TNK2: variants seen among roughly 807,000 people sequenced by gnomAD.
TNK2 encodes the protein tyrosine kinase non receptor 2, also known as activated CDC42 kinase 1.
A neutral mutation model predicts 101.8 loss-of-function variants in TNK2; 83 were observed. The observed-to-expected ratio is 0.82, with a 90% CI of 0.68 to 0.98. The LOEUF is 0.98. TNK2 is among the 50% of genes least tolerant of loss of function. TNK2 has a pLI of 0.00. For missense variants in TNK2, 1,665 were observed against 1,483.2 expected (o/e 1.12, Z -2.01); for synonymous variants, 804 against 633.0 (o/e 1.27, Z -4.06).
At chr3:195,893,547 A>G (rs1759434749) in intron 1 of TNK2, among the ~76,000 whole-genome samples, 1 of 152,034 alleles carries the variant, frequency 6.6e-6, no homozygotes. Flanking sequence ...GGGCCTAGAG[A>G]CACTCCATCA....
Position 195,879,149 on chromosome 3 carries a change from C to T in TNK2, c.914G>A (p.Arg305His). ...GGTGTCGCTGGCATGGGAGAAGGTGCGTGTCTTCAGGCTCTCGGGGGCACA... is the reference window on the plus strand; with the variant it reads ...GGTGTCGCTGGCATGGGAGAAGGTGTGTGTCTTCAGGCTCTCGGGGGCACA... Reference protein sequence around the residue: ...AWCAPESLKTRTFSHASDTWM... With the variant: ...AWCAPESLKTHTFSHASDTWM... The change falls in exon 7 of 16, where the codon CGC (arginine) becomes CAC (histidine). Residue 305 changes from arginine to histidine, a missense_variant. Arg to His is a conservative substitution (Grantham distance 29, BLOSUM62 0). Transcript: ENST00000672887. The T allele has an allele frequency of 6.2e-7, 1 of 1,613,696 alleles. No individual in the cohort carries two copies. Among genetic ancestry groups the T allele is most frequent in the Non-Finnish European group, 8.5e-7 (1 of 1,179,986 alleles).
chr3:195,895,660 G>T, intron 1 of TNK2: 2 of 1,225,366 alleles, frequency 1.6e-6, no homozygotes, highest in Non-Finnish European at 2.1e-6. Flanking sequence ...CCGCGGAACC[G>T]GGCTCCACTC....
chr3:195,865,454 G>A (rs994265592), intron 15 of TNK2, among the ~76,000 whole-genome samples: 3 of 150,230 alleles, frequency 2.0e-5, no homozygotes, highest in Non-Finnish European at 4.4e-5. Flanking sequence ...GGATGGGACA[G>A]ACAGGTGACA....
chr3:195,864,300 G>T, intron 15 of TNK2, 113 bp from the exon 16 acceptor site: 1 of 1,169,032 alleles, frequency 8.6e-7, no homozygotes, highest in South Asian at 1.3e-5. Flanking sequence ...GGCAGTCCCC[G>T]GCAAGGACTG....
chr3:195,892,581 C>T (rs1243339209), intron 1 of TNK2: 1 of 1,474,582 alleles, frequency 6.8e-7, no homozygotes, highest in South Asian at 1.3e-5. Context: ...CCCCAAATCC[C>T]ACACCAGGGG....
At position 195,878,673 on chromosome 3, in the gene TNK2, C is replaced by T. The variant is rs932432922; in HGVS notation, c.1015-81G>A. 2.6e-6 allele frequency: 4 copies of T among 1,538,616 alleles called. No individual in the cohort carries two copies. The African/African-American group carries it at 4.1e-5, about 16-fold the overall frequency. On this transcript the variant is annotated intron_variant, in intron 7 of 15. Transcript: ENST00000672887. The surrounding 1 kb of genome is among the most constrained non-coding windows in gnomAD (Gnocchi z 4.7). ...TCCCGCCTTCCCTCCAGCCCATCCA[C>T]AGCTGCAGCGGCTGCTGCCATGCCT... is the stretch of plus-strand genomic sequence containing the variant.
At chr3:195,891,333 G>C (rs1758348389) in intron 1 of TNK2, among the ~76,000 whole-genome samples, 1 of 152,244 alleles carries the variant, frequency 6.6e-6, no homozygotes, top group African/African-American at 2.4e-5. Context: ...TTGAACCCGG[G>C]AGGCGGAGGC....
intron 1 of TNK2, among the ~76,000 whole-genome samples, chr3:195,903,414 A>T (rs1409873676): frequency 4.6e-5 from 7 of 152,222 alleles, no homozygotes; most frequent in Non-Finnish European, 8.8e-5. Flanking sequence ...CTACCCTTCT[A>T]TTCAACATTA....
At chr3:195,879,251 A>G in intron 6 of TNK2, 76 bp from the exon 7 acceptor site, 1 of 1,584,148 alleles carries the variant, frequency 6.3e-7, no homozygotes, top group East Asian at 2.2e-5. Context: ...TAAAACACTC[A>G]TGCAGCAAAC....
At chr3:195,890,462 T>G (rs1027737281) in intron 1 of TNK2, among the ~76,000 whole-genome samples, 41 of 149,932 alleles carry the variant, frequency 2.7e-4, no homozygotes, top group East Asian at 1.9e-4. Context: ...TGGTTTTTTT[T>G]TTTTTTTTTT....
chr3:195,869,440 G>C (rs1425315650), intron 12 of TNK2, 57 bp downstream of exon 12: 2 of 1,519,770 alleles, frequency 1.3e-6, no homozygotes, highest in African/African-American at 2.8e-5. Flanking sequence ...TCCAGGAGAG[G>C]AGTGAGAGAG....
intron 12 of TNK2, chr3:195,869,234 G>C: frequency 3.4e-6 from 2 of 591,034 alleles, no homozygotes; most frequent in Non-Finnish European, 6.0e-6. Flanking sequence ...GGCCACACTC[G>C]TGCTCCAGAA....
Position 195,872,467 on chromosome 3 carries a change from G to C in TNK2, c.1260C>G (p.Ala420=), listed in dbSNP as rs139869381. Residue 420 remains alanine, a synonymous_variant, in exon 10 of 16, where the codon GCC becomes GCG. Coordinates refer to ENST00000672887, the MANE Select transcript of TNK2 (RefSeq NM_001382273.1). Reference sequence around the variant, plus strand: ...TCTGGCCACGCCACCAGTAGTTCTCGGCCCTGCGCGACAGAGATGGCACGG... The same window carrying C: ...TCTGGCCACGCCACCAGTAGTTCTCCGCCCTGCGCGACAGAGATGGCACGG... The part of the protein sequence containing the change: ...NDVITVIEGR[A]ENYWWRGQNT... 8 of 1,584,098 alleles carry C rather than the reference G, an allele frequency of 5.1e-6. No individual in the cohort carries two copies. Among genetic ancestry groups the C allele is most frequent in the Admixed American group, 3.5e-5 (2 of 57,818 alleles).
At chr3:195,871,791 A>G (rs1745493965) in intron 10 of TNK2, among the ~76,000 whole-genome samples, 1 of 152,212 alleles carries the variant, frequency 6.6e-6, no homozygotes, top group Non-Finnish European at 1.5e-5. Flanking sequence ...GTGCATTTAC[A>G]GCCTTCCCCT....
chr3:195,870,132 G>A lies in TNK2; in HGVS notation c.1525C>T (p.His509Tyr), dbSNP rs1433056512. The part of the protein sequence containing the change: ...VELSTSRPPQ[H>Y]LGGVKREPPP... ...CTCTTACTTTTCACCCCTCCTAGAT[G>A]CTGGGGGGGCCGGGAGGTGCTCAGT... The change falls in exon 11 of 16, where the codon CAT becomes TAT. Residue 509 changes from histidine (H) to tyrosine (Y), a missense_variant. Around this residue, in one of 3 missense-constraint regions of TNK2, gnomAD observed 1,136 missense variants for 894.9 expected, o/e 1.27. Transcript: ENST00000672887. 3.4e-6 allele frequency: 5 copies of A among 1,468,824 alleles called. No homozygotes were observed. Among genetic ancestry groups the A allele is most frequent in the Non-Finnish European group, 4.5e-6 (5 of 1,103,778 alleles). 91.0% of individuals were successfully genotyped at this position (1,468,824 alleles called of 1,614,324 possible). A position where few individuals can be genotyped will look rare whatever the true frequency, so the allele number is the denominator to read the frequency against.
chr3:195,885,690 G>T lies in TNK2; in HGVS notation c.235-657C>A. Reference sequence around the variant, plus strand: ...CTAGAGCTGAGGGCTGAGACGGAAGGAAAAGTGGAGGAGACTCGGAGGCCA... The same window carrying T: ...CTAGAGCTGAGGGCTGAGACGGAAGTAAAAGTGGAGGAGACTCGGAGGCCA... On this transcript the variant is annotated intron_variant, in intron 3 of 15. Transcript: ENST00000672887. The surrounding 1 kb of genome is among the most constrained non-coding windows in gnomAD (Gnocchi z 4.7). 1 of 847,562 alleles carries T rather than the reference G, an allele frequency of 1.2e-6. No homozygotes were observed. Among genetic ancestry groups the T allele is most frequent in the Non-Finnish European group, 1.7e-6 (1 of 599,210 alleles). The allele number at this position is 847,562 out of a possible 1,614,324, so 52.5% of individuals were successfully genotyped here.
rs947923123 is a variant in TNK2, at chr3:195,886,718, C to T, written c.234+259G>A. On this transcript the variant is annotated intron_variant, in intron 3 of 15. Coordinates refer to ENST00000672887, the MANE Select transcript of TNK2 (RefSeq NM_001382273.1). The surrounding 1 kb of genome is among the most constrained non-coding windows in gnomAD (Gnocchi z 4.2). ...CTTGTCAATGAGGTCCTGTTCCAGG[C>T]GTGCCGAGAGGGGCTGTGAAGGCCT... Among the ~76,000 whole-genome samples the T allele has an allele frequency of 1.3e-5, 2 of 152,164 alleles. No homozygotes were observed. Among genetic ancestry groups the T allele is most frequent in the Non-Finnish European group, 2.9e-5 (2 of 68,030 alleles).
Position 195,869,585 on chromosome 3 carries a change from G to A in TNK2, c.1544-44C>T, listed in dbSNP as rs1332390036. On this transcript the variant is annotated intron_variant, in intron 11 of 15. Transcript: ENST00000672887. ...GGACAGGGGGAGAGAGACGGAGCAG[G>A]ACAGAGGACAAAGGAGGGAGACGGC... 6.5e-6 allele frequency: 10 copies of A among 1,544,958 alleles called. No individual in the cohort carries two copies. In the South Asian group the frequency reaches 7.1e-5, roughly 11 times the overall value.
chr3:195,896,615 C>G (rs914898484), intron 1 of TNK2: 2 of 155,708 alleles, frequency 1.3e-5, no homozygotes, highest in African/African-American at 4.8e-5. Context: ...CCCTTCTTGC[C>G]CTGGCTGGAT....
Sources: gnomAD v4.1 joint callset for allele counts (sites outside exome capture counted in the v4.1 genomes callset) on GRCh38, gnomAD v4.1.1 for gene constraint, gnomAD v4.1.1 regional missense constraint, Gnocchi (gnomAD v3.1) non-coding constraint, MANE v1.5 for transcripts, NCBI Gene and HGNC (gene_info 2026-07-23, HGNC 2026-07-21) for gene names.